Variants in TENM4 observed in about 807,000 individuals in gnomAD.
TENM4 encodes teneurin transmembrane protein 4.
Under a neutral mutation model 243.3 loss-of-function variants are expected in TENM4, and 82 were observed. The observed-to-expected ratio is 0.34, with a 90% CI of 0.28 to 0.40. TENM4 has a LOEUF of 0.40. TENM4 is among the 10% of genes least tolerant of loss of function. TENM4 has a pLI of 1.00. For missense variants in TENM4, 3,138 were observed against 3,673.3 expected, an observed-to-expected ratio of 0.85 and a Z score of 3.77; for synonymous variants, 1,412 against 1,456.3, an observed-to-expected ratio of 0.97 and a Z score of 0.69.
At chr11:79,164,957 A>ATATATGTGTGTGTGTG (rs1555020448) in intron 3 of TENM4, among the ~76,000 whole-genome samples, 4 of 139,862 alleles carry the variant, frequency 2.9e-5, no homozygotes, top group African/African-American at 1.1e-4. Context: ...CTATATATAT[A>ATATATGTGTGTGTGTG]TGTGTGTGTG....
chr11:79,054,153 A>G (rs1859878005), intron 6 of TENM4, among the ~76,000 whole-genome samples: 1 of 152,118 alleles, frequency 6.6e-6, no homozygotes, highest in African/African-American at 2.4e-5. Flanking sequence ...CACAGCCCAT[A>G]GTTACTCTAC....
intron 6 of TENM4, among the ~76,000 whole-genome samples, chr11:78,984,422 G>T (rs138680041): frequency 1.5e-3 from 223 of 152,260 alleles, no homozygotes; most frequent in African/African-American, 5.2e-3. Flanking sequence ...GATGAGTGTG[G>T]ATTGCATTCG....
chr11:78,996,901 T>C (rs887474802), intron 6 of TENM4, among the ~76,000 whole-genome samples: 1 of 152,114 alleles, frequency 6.6e-6, no homozygotes, highest in African/African-American at 2.4e-5. Flanking sequence ...CAGTGGCTTG[T>C]AGTCAGAGAG....
At chr11:79,084,662 A>T (rs1177001068) in intron 4 of TENM4, among the ~76,000 whole-genome samples, 3 of 147,518 alleles carry the variant, frequency 2.0e-5, no homozygotes, top group Non-Finnish European at 4.5e-5. Context: ...AAATGATAAA[A>T]CTTTAGCAAT....
intron 6 of TENM4, among the ~76,000 whole-genome samples, chr11:78,998,851 G>A (rs1858242661): frequency 6.6e-6 from 1 of 152,202 alleles, no homozygotes; most frequent in African/African-American, 2.4e-5. Context: ...AATGAATAGT[G>A]GAGTCCAGAG....
intron 2 of TENM4, among the ~76,000 whole-genome samples, chr11:79,266,079 G>A (rs555558039): frequency 1.3e-5 from 2 of 152,170 alleles, no homozygotes; most frequent in African/African-American, 2.4e-5. Context: ...TACTGCTGTT[G>A]TAACACTTCT....
intron 6 of TENM4, among the ~76,000 whole-genome samples, chr11:79,016,599 C>A (rs895803979): frequency 6.6e-6 from 1 of 152,100 alleles, no homozygotes. Context: ...GATACACATT[C>A]GGTTGATATT....
chr11:79,387,016 A>G (rs1167748717), intron 1 of TENM4, among the ~76,000 whole-genome samples: 1 of 152,236 alleles, frequency 6.6e-6, no homozygotes, highest in Non-Finnish European at 1.5e-5. Context: ...CAGCAAGAGC[A>G]GAGTGAATAA....
intron 2 of TENM4, among the ~76,000 whole-genome samples, chr11:79,243,461 C>CA (rs1209553113): frequency 6.6e-6 from 1 of 152,010 alleles, no homozygotes; most frequent in Non-Finnish European, 1.5e-5. Context: ...AACAAACAAA[C>CA]AAAAAATGAA....
chr11:79,400,099 C>CACCACA (rs1288184782), intron 1 of TENM4, among the ~76,000 whole-genome samples: 2 of 140,674 alleles, frequency 1.4e-5, no homozygotes, highest in South Asian at 4.9e-4. Flanking sequence ...TAAACACACA[C>CACCACA]CACACACACA....
intron 9 of TENM4, among the ~76,000 whole-genome samples, chr11:78,870,966 TCTA>T (rs1300523317): frequency 6.6e-6 from 1 of 152,170 alleles, no homozygotes; most frequent in East Asian, 1.9e-4. Context: ...CCGGGTGGGC[TCTA>T]CTAAGACCTC....
intron 30 of TENM4, among the ~76,000 whole-genome samples, chr11:78,672,544 T>C (rs1858359129): frequency 6.6e-6 from 1 of 152,188 alleles, no homozygotes; most frequent in African/African-American, 2.4e-5. Context: ...TAATGCCAAT[T>C]GCACAGGGTT....
intron 2 of TENM4, among the ~76,000 whole-genome samples, chr11:79,255,909 G>T (rs565414875): frequency 4.9e-4 from 74 of 152,294 alleles, no homozygotes; most frequent in African/African-American, 1.6e-3. Context: ...GCAGAGCTGG[G>T]CTGGACAGTC....
intron 1 of TENM4, among the ~76,000 whole-genome samples, chr11:79,380,885 G>A (rs907585294): frequency 4.6e-5 from 7 of 152,200 alleles, no homozygotes; most frequent in Non-Finnish European, 1.5e-5. Context: ...AATAGAGGCT[G>A]TGTAGTAAGG....
intron 1 of TENM4, among the ~76,000 whole-genome samples, chr11:79,331,429 G>T (rs972724201): frequency 6.6e-6 from 1 of 152,164 alleles, no homozygotes; most frequent in Non-Finnish European, 1.5e-5. Context: ...GCACAACAGA[G>T]TCCTTGTCTC....
At chr11:79,369,921 T>G (rs1857749336) in intron 1 of TENM4, among the ~76,000 whole-genome samples, 1 of 152,190 alleles carries the variant, frequency 6.6e-6, no homozygotes, top group East Asian at 1.9e-4. Flanking sequence ...ACTGTCTGTC[T>G]CCAAAGTCCA....
chr11:79,192,752 A>G (rs1422156944), intron 3 of TENM4, among the ~76,000 whole-genome samples: 1 of 147,426 alleles, frequency 6.8e-6, no homozygotes, highest in Non-Finnish European at 1.5e-5. Flanking sequence ...CAATAAAAAA[A>G]AAATAAAATT....
At chr11:79,233,676 G>A (rs902314987) in intron 2 of TENM4, among the ~76,000 whole-genome samples, 5 of 152,178 alleles carry the variant, frequency 3.3e-5, no homozygotes, top group African/African-American at 7.2e-5. Flanking sequence ...AGAGGAGATC[G>A]CCAGTTGGGG....
chr11:79,371,210 T>C lies in TENM4; in HGVS notation c.-321+69299A>G, dbSNP rs11237807. ...GGCTTCATGTCAGTGTGAGTGCAGA[T>C]TGGGGTAGCACTGGAGGAAAGCAAT... On this transcript the variant is annotated intron_variant, in intron 1 of 33. Transcript: ENST00000278550. Among the ~76,000 whole-genome samples the C allele has an allele frequency of 7.6e-4, 115 of 152,290 alleles. 1 individual carries two copies. In the East Asian group the frequency reaches 0.021, roughly 28 times the overall value.
Sources: allele counts gnomAD v4.1 joint callset (sites outside exome capture counted in the v4.1 genomes callset), GRCh38; gene constraint gnomAD v4.1.1; transcripts MANE v1.5; gene names NCBI Gene and HGNC (gene_info 2026-07-23, HGNC 2026-07-21).